PTPRD: variants seen among roughly 807,000 people sequenced by gnomAD.
PTPRD encodes protein tyrosine phosphatase receptor type D.
In PTPRD, 34 loss-of-function variants were observed where a neutral mutation model predicts 214.5. The observed-to-expected ratio is 0.16, with a 90% CI of 0.12 to 0.21. The LOEUF is 0.21. Ranked by LOEUF, PTPRD falls within the 10% of genes least tolerant of loss-of-function variation. The pLI, the probability that PTPRD is intolerant of heterozygous loss-of-function variation, is 1.00. For missense variants in PTPRD, 2,545 were observed against 2,398.7 expected (o/e 1.06, Z -1.27); for synonymous variants, 1,128 against 845.7 (o/e 1.33, Z -5.79).
At chr9:10,065,916 G>A (rs186398867) in intron 3 of PTPRD, among the ~76,000 whole-genome samples, 548 of 151,894 alleles carry the variant, frequency 3.6e-3, no homozygotes, top group African/African-American at 0.013. Context: ...TGATGTTACT[G>A]GTATCACAAA....
At chr9:10,142,690 G>C (rs1489276824) in intron 3 of PTPRD, among the ~76,000 whole-genome samples, 1 of 148,604 alleles carries the variant, frequency 6.7e-6, no homozygotes, top group Admixed American at 6.8e-5. Flanking sequence ...CTGTAAACTA[G>C]TTCAACCATT....
chr9:9,244,531 TG>T (rs774844337), intron 9 of PTPRD, among the ~76,000 whole-genome samples: 3 of 152,270 alleles, frequency 2.0e-5, no homozygotes, highest in Non-Finnish European at 2.9e-5. Context: ...AAACAAGCAA[TG>T]GGGAAAGGAT....
chr9:9,531,960 T>C (rs954656087), intron 8 of PTPRD, among the ~76,000 whole-genome samples: 2 of 151,606 alleles, frequency 1.3e-5, no homozygotes, highest in Non-Finnish European at 2.9e-5. Context: ...ATATATTATA[T>C]ATATATTTAG....
chr9:9,038,164 C>T (rs1488526181), intron 10 of PTPRD, among the ~76,000 whole-genome samples: 1 of 152,008 alleles, frequency 6.6e-6, no homozygotes, highest in Non-Finnish European at 1.5e-5. Flanking sequence ...CAAATAGTCA[C>T]ACAATGTAAG....
intron 5 of PTPRD, among the ~76,000 whole-genome samples, chr9:9,826,493 T>A (rs563402693): frequency 6.6e-6 from 1 of 151,964 alleles, no homozygotes; most frequent in Non-Finnish European, 1.5e-5. Flanking sequence ...AATTAGCTAA[T>A]CCAGAGACAG....
At chr9:8,909,436 G>A (rs10977353) in intron 11 of PTPRD, among the ~76,000 whole-genome samples, 4 of 151,998 alleles carry the variant, frequency 2.6e-5, no homozygotes, top group African/African-American at 7.2e-5. Flanking sequence ...TAACATACAA[G>A]GTTGGTTTAA....
At chr9:9,861,565 T>C (rs994579567) in intron 5 of PTPRD, among the ~76,000 whole-genome samples, 2 of 152,210 alleles carry the variant, frequency 1.3e-5, no homozygotes, top group South Asian at 2.1e-4. Context: ...GCTGGATTAC[T>C]GGCGTGAGCC....
chr9:9,467,061 T>C (rs1251923735), intron 8 of PTPRD, among the ~76,000 whole-genome samples: 1 of 151,844 alleles, frequency 6.6e-6, no homozygotes, highest in African/African-American at 2.4e-5. Context: ...TCATAGAATT[T>C]TGGTAATGTA....
chr9:9,492,850 A>C (rs987595581), intron 8 of PTPRD, among the ~76,000 whole-genome samples: 1 of 150,678 alleles, frequency 6.6e-6, no homozygotes, highest in African/African-American at 2.4e-5. Context: ...CAATAATTTA[A>C]ACTTTATTAT....
chr9:10,221,141 A>G (rs1481164049), intron 3 of PTPRD, among the ~76,000 whole-genome samples: 10 of 151,082 alleles, frequency 6.6e-5, no homozygotes, highest in East Asian at 1.9e-4. Flanking sequence ...ATATTTCCCT[A>G]TCAATGTCTT....
chr9:9,810,282 G>C (rs768891165), intron 5 of PTPRD, among the ~76,000 whole-genome samples: 2 of 151,920 alleles, frequency 1.3e-5, no homozygotes, highest in Non-Finnish European at 2.9e-5. Context: ...TTATTGATAA[G>C]GCTTTCAGTC....
intron 2 of PTPRD, among the ~76,000 whole-genome samples, chr9:10,408,749 G>A (rs2098403364): frequency 6.6e-6 from 1 of 151,618 alleles, no homozygotes; most frequent in Non-Finnish European, 1.5e-5. Context: ...CCTCACTTGG[G>A]CAGTGTGTTT....
chr9:10,065,790 A>AT (rs2097867713), intron 3 of PTPRD, among the ~76,000 whole-genome samples: 1 of 151,846 alleles, frequency 6.6e-6, no homozygotes, highest in African/African-American at 2.4e-5. Context: ...GAAGAAAAGT[A>AT]TTTTCCGGTG....
At chr9:9,272,114 A>G (rs16929125) in intron 9 of PTPRD, among the ~76,000 whole-genome samples, 10,226 of 151,186 alleles carry the variant, frequency 0.068, 451 homozygotes, top group Middle Eastern at 0.14. Context: ...TCAGAGAATT[A>G]AAAGTTGGTC....
intron 6 of PTPRD, among the ~76,000 whole-genome samples, chr9:9,748,302 T>G (rs1216315196): frequency 6.6e-6 from 1 of 152,226 alleles, no homozygotes; most frequent in African/African-American, 2.4e-5. Context: ...CATATTTGCA[T>G]GAATGTTCAC....
intron 2 of PTPRD, among the ~76,000 whole-genome samples, chr9:10,519,115 T>C (rs1209979112): frequency 6.6e-6 from 1 of 151,798 alleles, no homozygotes; most frequent in East Asian, 1.9e-4. Flanking sequence ...AGGGATTTCA[T>C]ATGGTGAAAA....
intron 12 of PTPRD, among the ~76,000 whole-genome samples, chr9:8,725,828 T>C (rs1008013797): frequency 2.6e-5 from 4 of 152,172 alleles, no homozygotes; most frequent in African/African-American, 9.7e-5. Flanking sequence ...ACAAGCACTC[T>C]GCTCCAGGGT....
At chr9:8,413,676 T>C (rs1464742943) in intron 35 of PTPRD, among the ~76,000 whole-genome samples, 1 of 152,162 alleles carries the variant, frequency 6.6e-6, no homozygotes, top group Non-Finnish European at 1.5e-5. Flanking sequence ...AGGATGATCA[T>C]TAATACTTAT....
intron 8 of PTPRD, among the ~76,000 whole-genome samples, chr9:9,566,850 A>T (rs1200694606): frequency 1.3e-5 from 2 of 152,010 alleles, no homozygotes; most frequent in Non-Finnish European, 2.9e-5. Flanking sequence ...AATGCTCCGA[A>T]CATTCGCTCT....
Sources: allele counts gnomAD v4.1 joint callset (sites outside exome capture counted in the v4.1 genomes callset), GRCh38; gene constraint gnomAD v4.1.1; transcripts MANE v1.5; gene names NCBI Gene and HGNC (gene_info 2026-07-23, HGNC 2026-07-21).